Variants in CPM observed in about 807,000 individuals in gnomAD.
The protein encoded by CPM is carboxypeptidase M.
A neutral mutation model predicts 46.4 loss-of-function variants in CPM; 35 were observed. That is an observed-to-expected ratio of 0.75 (90% CI 0.58 to 1.00). The LOEUF is 1.00. CPM is among the 50% of genes least tolerant of loss of function. The probability of loss-of-function intolerance (pLI) is 0.00; values close to 1 mark genes in which losing one functional copy is unlikely to be tolerated. For synonymous variants in CPM, 195 were observed against 195.3 expected, an observed-to-expected ratio of 1.00 and a Z score of 0.01; for missense variants, 422 against 530.4, an observed-to-expected ratio of 0.80 and a Z score of 2.01.
At position 68,939,331 on chromosome 12, in the gene CPM, TTTATA is replaced by T. The variant is rs917341843; in HGVS notation, c.-3-6496_-3-6492del. ...TACACATACCTATATACATATTGTATTTATATTATGTATATACATACTATATATAA... is the reference window on the plus strand; with the variant it reads ...TACACATACCTATATACATATTGTATTTATGTATATACATACTATATATAA... On this transcript the variant is annotated intron_variant, in intron 1 of 8. Transcript: ENST00000546373. Among the ~76,000 whole-genome samples, 14 of 147,988 alleles carry T rather than the reference TTTATA, an allele frequency of 9.5e-5. No homozygotes were observed. The Admixed American group carries it at 9.5e-4, about 10-fold the overall frequency.
intron 2 of CPM, among the ~76,000 whole-genome samples, chr12:68,923,306 C>T (rs1222905562): frequency 1.3e-5 from 2 of 151,616 alleles, no homozygotes; most frequent in African/African-American, 2.4e-5. Flanking sequence ...GTGTTCTAAA[C>T]ACACAAACTG....
intron 1 of CPM, among the ~76,000 whole-genome samples, chr12:68,945,905 T>G (rs1485739515): frequency 1.4e-5 from 2 of 143,948 alleles, no homozygotes; most frequent in Non-Finnish European, 3.0e-5. Context: ...CAGGCTGGAG[T>G]GCAGTGGCAT....
chr12:68,851,008 GAACT>G (rs1444219820), downstream of CPM, among the ~76,000 whole-genome samples: 3 of 151,986 alleles, frequency 2.0e-5, no homozygotes, highest in Non-Finnish European at 2.9e-5. Context: ...TGTTCTGGAA[GAACT>G]ATCTGGACTT....
At chr12:68,873,240 T>C (rs952586638) in intron 3 of CPM, among the ~76,000 whole-genome samples, 1 of 152,226 alleles carries the variant, frequency 6.6e-6, no homozygotes, top group African/African-American at 2.4e-5. Context: ...AGTCATGATT[T>C]CACTGTAGGA....
At chr12:68,947,580 G>T (rs1478589141) in intron 1 of CPM, among the ~76,000 whole-genome samples, 1 of 150,238 alleles carries the variant, frequency 6.7e-6, no homozygotes, top group East Asian at 2.0e-4. Flanking sequence ...CTGGGCAACA[G>T]AGTAAGACTC....
intron 5 of CPM, chr12:68,844,643 A>G (rs1193996311): frequency 1.3e-5 from 3 of 226,202 alleles, no homozygotes; most frequent in African/African-American, 2.3e-5. Context: ...AAATGTAAGT[A>G]CATCAGAAAA....
In CPM at chr12:68,869,405, A is replaced by T. The variant is rs1421090455; in HGVS notation, c.707T>A (p.Met236Lys). The change falls in exon 6 of 9, where the codon ATG becomes AAG. Residue 236 changes from methionine (M) to lysine (K), a missense_variant. By Grantham distance (95) the Met-to-Lys change is moderately conservative (BLOSUM62 -1). Coordinates refer to ENST00000551568, the MANE Select transcript of CPM (RefSeq NM_198320.5). ...AHTYASRNPN[M>K]KKGDECKNKM... Reference sequence around the variant, plus strand: ...GTTTTTACACTCGTCTCCTTTCTTCATGTTGGGATTTCTTGAAGCATAGGT... The same window carrying T: ...GTTTTTACACTCGTCTCCTTTCTTCTTGTTGGGATTTCTTGAAGCATAGGT... 1.2e-6 allele frequency: 2 copies of T among 1,613,978 alleles called. No homozygotes were observed. Among genetic ancestry groups the T allele is most frequent in the African/African-American group, 2.7e-5 (2 of 74,918 alleles).
chr12:68,897,736 CA>C (rs62826660), intron 2 of CPM, among the ~76,000 whole-genome samples: 50,903 of 106,308 alleles, frequency 0.48, 9,932 homozygotes, highest in Non-Finnish European at 0.55. Flanking sequence ...GACTCCGTTT[CA>C]AAAAAAAAAA....
At chr12:68,893,510 G>A (rs1886742253) in intron 2 of CPM, among the ~76,000 whole-genome samples, 1 of 152,200 alleles carries the variant, frequency 6.6e-6, no homozygotes, top group South Asian at 2.1e-4. Flanking sequence ...AGGGAGTCAG[G>A]TGTCCCAGGG....
chr12:68,957,912 G>C (rs964013897), intron 1 of CPM, among the ~76,000 whole-genome samples: 1 of 139,726 alleles, frequency 7.2e-6, no homozygotes, highest in Non-Finnish European at 1.5e-5. Flanking sequence ...TCATTGTTCA[G>C]TTCCCACCTA....
chr12:68,858,181 T>C (rs774344196), intron 8 of CPM, among the ~76,000 whole-genome samples: 22 of 152,206 alleles, frequency 1.4e-4, no homozygotes, highest in Non-Finnish European at 2.9e-4. Flanking sequence ...GGATTAGCTC[T>C]ATATAGAATG....
intron 5 of CPM, among the ~76,000 whole-genome samples, chr12:68,869,786 T>C (rs1885607173): frequency 6.6e-6 from 1 of 152,082 alleles, no homozygotes; most frequent in Non-Finnish European, 1.5e-5. Flanking sequence ...TTTCTTTAGG[T>C]ATTATAGGGG....
rs375789259 is a variant in CPM, at chr12:68,954,742, AT to A, written c.-4+8426del. 4.0e-3 allele frequency among the ~76,000 whole-genome samples: 612 copies of A among 151,522 alleles called. 6 individuals are homozygous for A. Among genetic ancestry groups the A allele is most frequent in the African/African-American group, 0.014 (588 of 41,318 alleles). Reference sequence around the variant, plus strand: ...TCAAACTCAACATTTTAAAAAAGCAATTTTTTTTTAGCTTTCTTAGGTAGTG... The same window carrying A: ...TCAAACTCAACATTTTAAAAAAGCAATTTTTTTTAGCTTTCTTAGGTAGTG... On this transcript the variant is annotated intron_variant, in intron 1 of 8. Coordinates refer to the CPM transcript ENST00000546373.
intron 8 of CPM, among the ~76,000 whole-genome samples, chr12:68,858,366 C>T (rs1479452377): frequency 2.6e-5 from 4 of 152,176 alleles, no homozygotes; most frequent in Admixed American, 1.3e-4. Flanking sequence ...TTCCTGTCTT[C>T]GGATAAAATG....
intron 2 of CPM, among the ~76,000 whole-genome samples, chr12:68,902,465 A>T (rs570569691): frequency 7.9e-5 from 12 of 152,316 alleles, no homozygotes; most frequent in Non-Finnish European, 1.5e-4. Context: ...TGAGGGGCAT[A>T]ATAAGGGGAT....
chr12:68,894,183 G>A (rs1355738907), intron 2 of CPM, among the ~76,000 whole-genome samples: 1 of 152,062 alleles, frequency 6.6e-6, no homozygotes, highest in African/African-American at 2.4e-5. Flanking sequence ...CTTTGAGATT[G>A]TATATTTGTT....
chr12:68,933,374 G>C (rs1888600375), upstream of CPM, among the ~76,000 whole-genome samples: 1 of 152,046 alleles, frequency 6.6e-6, no homozygotes, highest in Non-Finnish European at 1.5e-5. Flanking sequence ...GCGGCCGGGC[G>C]GCTGAGCTGG....
intron 2 of CPM, among the ~76,000 whole-genome samples, chr12:68,903,084 T>C (rs929787219): frequency 6.6e-6 from 1 of 152,224 alleles, no homozygotes; most frequent in Non-Finnish European, 1.5e-5. Flanking sequence ...ATTAACTGCC[T>C]ACAATGTTAT....
intron 2 of CPM, among the ~76,000 whole-genome samples, chr12:68,890,447 A>G (rs1033019846): frequency 1.3e-5 from 2 of 151,898 alleles, no homozygotes; most frequent in African/African-American, 4.8e-5. Flanking sequence ...ACTTTATGTT[A>G]TTTGATCTTC....
Sources: gnomAD v4.1 joint callset for allele counts (sites outside exome capture counted in the v4.1 genomes callset) on GRCh38, gnomAD v4.1.1 for gene constraint, MANE v1.5 for transcripts, NCBI Gene and HGNC (gene_info 2026-07-23, HGNC 2026-07-21) for gene names.